SYN3: variants seen among roughly 807,000 people sequenced by gnomAD.
SYN3 encodes the protein synapsin III, also known as synapsin-3.
SYN3 carries 35 observed loss-of-function variants against 65.8 expected under a neutral mutation model. That is an observed-to-expected ratio of 0.53 (90% confidence interval 0.41 to 0.70). The LOEUF is 0.70. Among genes scored for constraint, SYN3 ranks in the 30% least tolerant of loss-of-function variants. The pLI is 0.00. For synonymous variants in SYN3, 270 were observed against 292.9 expected (o/e 0.92, Z 0.80); for missense variants, 680 against 749.0 (o/e 0.91, Z 1.08).
intron 13 of SYN3, among the ~76,000 whole-genome samples, chr22:32,515,025 C>A (rs200373504): frequency 0.027 from 4,052 of 150,758 alleles, 177 homozygotes; most frequent in African/African-American, 0.095. Context: ...AAAAAAAAAA[C>A]AAAACAAAAA....
intron 12 of SYN3, among the ~76,000 whole-genome samples, chr22:32,524,147 A>T (rs758782423): frequency 4.6e-5 from 7 of 152,272 alleles, no homozygotes; most frequent in Non-Finnish European, 1.0e-4. Context: ...TGAAGCTGCA[A>T]GTGCTGACGA....
intron 6 of SYN3, among the ~76,000 whole-genome samples, chr22:32,797,143 T>G (rs545893050): frequency 1.8e-4 from 28 of 152,176 alleles, no homozygotes; most frequent in Admixed American, 1.6e-3. Context: ...GCTGAGCAAA[T>G]GGGTGTTCTC....
At chr22:32,523,604 T>C (rs562206813) in intron 12 of SYN3, among the ~76,000 whole-genome samples, 87 of 152,332 alleles carry the variant, frequency 5.7e-4, no homozygotes, top group Middle Eastern at 6.8e-3. Flanking sequence ...GCCATTTCCC[T>C]ATCTCTCTTC....
chr22:33,007,085 C>T (rs765779612), intron 1 of SYN3, among the ~76,000 whole-genome samples: 85 of 152,274 alleles, frequency 5.6e-4, no homozygotes, highest in African/African-American at 1.8e-3. Flanking sequence ...TTTACACTAG[C>T]GAAATACTGG....
chr22:32,669,502 T>A (rs1481350436), intron 6 of SYN3, among the ~76,000 whole-genome samples: 1 of 152,164 alleles, frequency 6.6e-6, no homozygotes, highest in Non-Finnish European at 1.5e-5. Context: ...GTATGCAAAT[T>A]AGGCATCAGA....
chr22:32,513,658 G>T lies in SYN3; in HGVS notation c.*34C>A. 1 of 1,610,922 alleles carries T rather than the reference G, an allele frequency of 6.2e-7. No individual in the cohort carries two copies. The highest frequency in any genetic ancestry group is 8.5e-7 in the Non-Finnish European group (1 of 1,178,132). On this transcript the variant is annotated 3_prime_UTR_variant, in exon 14 of 14. Coordinates refer to ENST00000358763, the MANE Select transcript of SYN3 (RefSeq NM_003490.4). ...ATGAGGCAGGAGGGGGACGAGTGTA[G>T]CAGAGCACTCTTCCCCTCCCAGCCT...
intron 4 of SYN3, among the ~76,000 whole-genome samples, chr22:32,907,213 T>A (rs1247888664): frequency 6.6e-6 from 1 of 152,178 alleles, no homozygotes; most frequent in Admixed American, 6.5e-5. Context: ...TCATTTAATA[T>A]CCTCACAACA....
chr22:33,039,895 A>G lies in SYN3; in HGVS notation c.-163+18397T>C, dbSNP rs1202517095. On this transcript the variant is annotated intron_variant, in intron 1 of 13. Coordinates refer to ENST00000358763, the MANE Select transcript of SYN3 (RefSeq NM_003490.4). ...ATTTTTGCTTATTTTTTTCACTGTCATACATCCAGCACCTACCAGAAAGTG... is the reference window on the plus strand; with the variant it reads ...ATTTTTGCTTATTTTTTTCACTGTCGTACATCCAGCACCTACCAGAAAGTG... 2.0e-5 allele frequency among the ~76,000 whole-genome samples: 3 copies of G among 152,164 alleles called. No homozygotes were observed. In the East Asian group the frequency reaches 5.8e-4, roughly 29 times the overall value.
intron 6 of SYN3, among the ~76,000 whole-genome samples, chr22:32,680,638 C>T (rs917114054): frequency 3.3e-5 from 5 of 152,206 alleles, no homozygotes; most frequent in Non-Finnish European, 7.3e-5. Context: ...ATCCTGTGTA[C>T]TCAACTTGCT....
intron 3 of SYN3, among the ~76,000 whole-genome samples, chr22:32,962,553 CAGGAATG>C (rs144998515): frequency 6.6e-6 from 1 of 152,268 alleles, no homozygotes; most frequent in East Asian, 1.9e-4. Flanking sequence ...GATGATATCT[CAGGAATG>C]AGGCGGCGAG....
intron 1 of SYN3, among the ~76,000 whole-genome samples, chr22:33,049,427 A>G (rs2054124216): frequency 6.6e-6 from 1 of 151,858 alleles, no homozygotes; most frequent in Non-Finnish European, 1.5e-5. Context: ...AATAATTATA[A>G]CTCCTCTTTC....
intron 3 of SYN3, among the ~76,000 whole-genome samples, chr22:32,950,763 C>A (rs554037416): frequency 6.6e-6 from 1 of 152,244 alleles, no homozygotes; most frequent in Admixed American, 6.5e-5. Flanking sequence ...CCAGATTTAG[C>A]AGAGGAACTA....
intron 3 of SYN3, among the ~76,000 whole-genome samples, chr22:32,937,246 C>T (rs2050798937): frequency 1.3e-5 from 2 of 151,944 alleles, no homozygotes; most frequent in Non-Finnish European, 2.9e-5. Flanking sequence ...GGAAACAATA[C>T]AATGGGAGAG....
chr22:33,016,884 C>T (rs1328461541), intron 1 of SYN3, among the ~76,000 whole-genome samples: 2 of 152,316 alleles, frequency 1.3e-5, no homozygotes, highest in East Asian at 3.9e-4. Context: ...CTTTGCTCTG[C>T]AGAAGCTTTT....
intron 3 of SYN3, among the ~76,000 whole-genome samples, chr22:32,942,392 G>A (rs2050968322): frequency 6.6e-6 from 1 of 152,258 alleles, no homozygotes; most frequent in Admixed American, 6.5e-5. Context: ...GGTTCTGACT[G>A]TTAGAAGGAA....
At chr22:32,601,370 T>C (rs1013583503) in intron 6 of SYN3, among the ~76,000 whole-genome samples, 17 of 151,848 alleles carry the variant, frequency 1.1e-4, no homozygotes, top group Admixed American at 6.6e-4. Context: ...CTCTGCCTCC[T>C]GGGTTCACGC....
intron 1 of SYN3, among the ~76,000 whole-genome samples, chr22:33,053,113 A>G (rs574828460): frequency 6.6e-6 from 1 of 152,294 alleles, no homozygotes; most frequent in South Asian, 2.1e-4. Flanking sequence ...TCCCAAGTAT[A>G]AAAAGTCAGG....
At chr22:32,768,196 C>A (rs1461398579) in intron 6 of SYN3, among the ~76,000 whole-genome samples, 3 of 152,102 alleles carry the variant, frequency 2.0e-5, no homozygotes, top group African/African-American at 4.8e-5. Flanking sequence ...CTGAGATAAC[C>A]CAGCTCTGGC....
At chr22:32,908,696 T>C (rs1396243078) in intron 4 of SYN3, among the ~76,000 whole-genome samples, 1 of 152,128 alleles carries the variant, frequency 6.6e-6, no homozygotes, top group Non-Finnish European at 1.5e-5. Flanking sequence ...GCCATAATGA[T>C]AGAGTTAAGT....
Sources: allele counts gnomAD v4.1 joint callset (sites outside exome capture counted in the v4.1 genomes callset), GRCh38; gene constraint gnomAD v4.1.1; transcripts MANE v1.5; gene names NCBI Gene and HGNC (gene_info 2026-07-23, HGNC 2026-07-21).